TENM4: variants seen among roughly 807,000 people sequenced by gnomAD.
TENM4 encodes teneurin transmembrane protein 4, also known as teneurin-4.
Under a neutral mutation model 243.3 loss-of-function variants are expected in TENM4, and 82 were observed. That is an observed-to-expected ratio of 0.34 (90% CI 0.28 to 0.40). The LOEUF is 0.40. TENM4 is among the 10% of genes least tolerant of loss of function. The probability of loss-of-function intolerance (pLI) is 1.00; values close to 1 mark genes in which losing one functional copy is unlikely to be tolerated. For missense variants in TENM4, 3,138 were observed against 3,673.3 expected, an observed-to-expected ratio of 0.85 and a Z score of 3.77; for synonymous variants, 1,412 against 1,456.3, an observed-to-expected ratio of 0.97 and a Z score of 0.69.
chr11:78,755,646 T>G (rs1856289285), intron 19 of TENM4, among the ~76,000 whole-genome samples: 1 of 152,156 alleles, frequency 6.6e-6, no homozygotes, highest in South Asian at 2.1e-4. Flanking sequence ...CCCACCCTGC[T>G]CCTGCTCTCT....
chr11:79,124,440 C>T lies in TENM4; in HGVS notation c.-66+24270G>A, dbSNP rs141798107. ...CTAGCCTCCCAGCCTACATCTTTCT[C>T]CTGTGCTGGATGCTTCCTGGCCTCA... On this transcript the variant is annotated intron_variant, in intron 4 of 33. Coordinates refer to ENST00000278550, the MANE Select transcript of TENM4 (RefSeq NM_001098816.3). Among the ~76,000 whole-genome samples the T allele has an allele frequency of 3.0e-3, 454 of 152,164 alleles. 3 individuals carry two copies. Among genetic ancestry groups the T allele is most frequent in the African/African-American group, 0.01 (426 of 41,526 alleles).
chr11:79,032,130 A>C (rs1859257671), intron 6 of TENM4, among the ~76,000 whole-genome samples: 1 of 152,236 alleles, frequency 6.6e-6, no homozygotes, highest in Non-Finnish European at 1.5e-5. Flanking sequence ...GACACATATA[A>C]GCAGATAACT....
rs79952610 is a variant in TENM4 at position 78,825,533 on chromosome 11, G to A, written c.1682-11138C>T. ...TGGGCTGGGGCTTTGAGAACCGCTC[G>A]TCTGGAAGAAAGACAGACTTTACAC... On this transcript the variant is annotated intron_variant, in intron 12 of 33. Transcript: ENST00000278550. 2.0e-5 allele frequency among the ~76,000 whole-genome samples: 3 copies of A among 152,222 alleles called. No individual in the cohort carries two copies. The South Asian group carries it at 6.2e-4, about 32-fold the overall frequency.
At chr11:79,267,275 T>C (rs1182082528) in intron 2 of TENM4, among the ~76,000 whole-genome samples, 1 of 152,216 alleles carries the variant, frequency 6.6e-6, no homozygotes, top group Non-Finnish European at 1.5e-5. Flanking sequence ...CAAAGCCTTC[T>C]TGTCAATCTC....
chr11:79,082,280 G>A (rs941474736), intron 4 of TENM4, among the ~76,000 whole-genome samples: 1 of 152,026 alleles, frequency 6.6e-6, no homozygotes, highest in Non-Finnish European at 1.5e-5. Flanking sequence ...GCTCTTTTTC[G>A]GTAGCACAAA....
intron 6 of TENM4, among the ~76,000 whole-genome samples, chr11:79,018,447 C>G (rs914461961): frequency 6.6e-6 from 1 of 152,106 alleles, no homozygotes; most frequent in Non-Finnish European, 1.5e-5. Flanking sequence ...CACTCTCACA[C>G]ACATGCACAC....
intron 11 of TENM4, among the ~76,000 whole-genome samples, chr11:78,854,805 T>C (rs1441818738): frequency 6.6e-6 from 1 of 152,158 alleles, no homozygotes; most frequent in Non-Finnish European, 1.5e-5. Context: ...AAATGAAAAT[T>C]TGATTTATGT....
intron 12 of TENM4, among the ~76,000 whole-genome samples, chr11:78,846,819 C>T (rs914863445): frequency 1.3e-5 from 2 of 152,194 alleles, no homozygotes; most frequent in African/African-American, 4.8e-5. Context: ...ACCAAACAGA[C>T]CTGATGAAGT....
chr11:79,320,298 G>A (rs185584612), intron 1 of TENM4, among the ~76,000 whole-genome samples: 20 of 152,332 alleles, frequency 1.3e-4, no homozygotes, highest in Middle Eastern at 3.4e-3. Context: ...CTGAGGTACA[G>A]CTGCATGATG....
chr11:78,703,256 C>G (rs1859152344), intron 27 of TENM4, among the ~76,000 whole-genome samples: 1 of 152,164 alleles, frequency 6.6e-6, no homozygotes. Flanking sequence ...AGCATCAGCT[C>G]ACCTAGGAGC....
chr11:79,093,166 G>A (rs1861000356), intron 4 of TENM4: 1 of 152,186 alleles, frequency 6.6e-6, no homozygotes, highest in Non-Finnish European at 1.5e-5. Context: ...TCATAATTTG[G>A]CTAAGGCAAT....
intron 6 of TENM4, among the ~76,000 whole-genome samples, chr11:79,008,679 G>A (rs1317951467): frequency 6.6e-6 from 1 of 152,208 alleles, no homozygotes. Context: ...GCTGGTTTCT[G>A]ATTTTTTTTT....
intron 2 of TENM4, among the ~76,000 whole-genome samples, chr11:79,236,314 G>A (rs1424190224): frequency 6.6e-6 from 1 of 152,186 alleles, no homozygotes; most frequent in Non-Finnish European, 1.5e-5. Flanking sequence ...CTGCCTTCTA[G>A]TCGAAGTCTC....
At chr11:79,005,711 TC>T (rs1270187769) in intron 6 of TENM4, among the ~76,000 whole-genome samples, 1 of 151,928 alleles carries the variant, frequency 6.6e-6, no homozygotes, top group Non-Finnish European at 1.5e-5. Flanking sequence ...CTCTCACCAC[TC>T]CTATCCAACA....
At chr11:79,391,757 C>T (rs1398810457) in intron 1 of TENM4, among the ~76,000 whole-genome samples, 1 of 152,156 alleles carries the variant, frequency 6.6e-6, no homozygotes, top group Non-Finnish European at 1.5e-5. Context: ...ACATAATATA[C>T]AGTATATGCA....
At chr11:79,090,200 C>T (rs545986917) in intron 4 of TENM4, among the ~76,000 whole-genome samples, 17 of 152,342 alleles carry the variant, frequency 1.1e-4, no homozygotes, top group African/African-American at 3.4e-4. Flanking sequence ...CTGCAGCTGC[C>T]GTCTGCAAGA....
chr11:79,060,965 C>G (rs1040524256), intron 6 of TENM4, among the ~76,000 whole-genome samples: 4 of 151,990 alleles, frequency 2.6e-5, no homozygotes. Context: ...CTGGCTGGGG[C>G]CCAGGGGTTT....
At chr11:79,023,217 C>A (rs1276825892) in intron 6 of TENM4, among the ~76,000 whole-genome samples, 2 of 152,114 alleles carry the variant, frequency 1.3e-5, no homozygotes, top group Non-Finnish European at 2.9e-5. Flanking sequence ...GAAAATGCCA[C>A]CACCCTCACA....
chr11:79,316,472 A>ACAAGCGTACC (rs1485899574), intron 1 of TENM4, among the ~76,000 whole-genome samples: 1 of 152,242 alleles, frequency 6.6e-6, no homozygotes, highest in Admixed American at 6.5e-5. Context: ...GTGTGGGCTA[A>ACAAGCGTACC]CAAGCGTACC....
Sources: allele counts gnomAD v4.1 joint callset (sites outside exome capture counted in the v4.1 genomes callset), GRCh38; gene constraint gnomAD v4.1.1; transcripts MANE v1.5; gene names NCBI Gene and HGNC (gene_info 2026-07-23, HGNC 2026-07-21).